The following RNF8 variants were observed in gnomAD, a reference collection of about 807,000 sequenced individuals.
RNF8 encodes ring finger protein 8.
In RNF8, 8 loss-of-function variants were observed where a neutral mutation model predicts 59.3. The ratio of observed to expected loss-of-function variants is 0.13; its 90% CI spans 0.08 to 0.24. The LOEUF (loss-of-function observed/expected upper bound fraction) is 0.24, where lower values mean the gene tolerates loss of function less well. Among genes scored for constraint, RNF8 ranks in the 10% least tolerant of loss-of-function variants. RNF8 has a pLI of 1.00. For missense variants in RNF8, 406 were observed against 572.6 expected (o/e 0.71, Z 2.97); for synonymous variants, 162 against 200.0 (o/e 0.81, Z 1.60).
intron 1 of RNF8, among the ~76,000 whole-genome samples, chr6:37,355,277 A>G (rs1283534133): frequency 2.0e-5 from 3 of 152,158 alleles, no homozygotes; most frequent in African/African-American, 4.8e-5. Context: ...TCTGTATGAA[A>G]AGTTCTCTTT....
At chr6:37,359,572 C>G (rs1161947212) in intron 1 of RNF8, among the ~76,000 whole-genome samples, 3 of 152,174 alleles carry the variant, frequency 2.0e-5, no homozygotes, top group Non-Finnish European at 4.4e-5. Context: ...AGGAATCAAT[C>G]TAAGGTCCTG....
intron 4 of RNF8, among the ~76,000 whole-genome samples, chr6:37,373,987 G>A (rs1769911812): frequency 6.6e-6 from 1 of 152,198 alleles, no homozygotes; most frequent in Non-Finnish European, 1.5e-5. Context: ...TTGACATTCA[G>A]CATAGGCATT....
chr6:37,381,720 CTTGAG>C (rs1291599088), intron 7 of RNF8, among the ~76,000 whole-genome samples: 4 of 152,072 alleles, frequency 2.6e-5, no homozygotes, highest in African/African-American at 9.7e-5. Flanking sequence ...TTGAAAAAAC[CTTGAG>C]TTAAGTATAC....
At chr6:37,356,489 T>C (rs1009071351) in intron 1 of RNF8, among the ~76,000 whole-genome samples, 4 of 152,196 alleles carry the variant, frequency 2.6e-5, no homozygotes, top group African/African-American at 9.7e-5. Flanking sequence ...TTTCATTTCA[T>C]TGATGGGAAC....
At chr6:37,387,625 C>T (rs912121856) in intron 7 of RNF8, among the ~76,000 whole-genome samples, 6 of 152,228 alleles carry the variant, frequency 3.9e-5, no homozygotes, top group African/African-American at 9.6e-5. Flanking sequence ...TATAGGCATG[C>T]GCCACCACGC....
Position 37,354,256 on chromosome 6 carries a change from T to A in RNF8, c.92T>A (p.Leu31Gln). ...RRVGMSAGWL[L>Q]LEDGCEVTVG... is the part of the protein sequence containing the mutation. ...GTGGGGATGAGCGCCGGGTGGCTGC[T>A]GCTGGAAGATGGGTGCGAGGTACGG... Residue 31 changes from leucine to glutamine, a missense_variant, in exon 1 of 8, where the codon CTG becomes CAG. Leu to Gln is a moderately radical substitution (Grantham distance 113). Around this residue, in one of 3 missense-constraint regions of RNF8, gnomAD observed 62 missense variants for 112.2 expected, o/e 0.55. Transcript: ENST00000373479. The A allele has an allele frequency of 1.9e-6, 3 of 1,567,052 alleles. No homozygotes were observed. Among genetic ancestry groups the A allele is most frequent in the Non-Finnish European group, 2.6e-6 (3 of 1,158,836 alleles).
chr6:37,359,745 A>T (rs1769245665), intron 1 of RNF8, among the ~76,000 whole-genome samples: 1 of 152,254 alleles, frequency 6.6e-6, no homozygotes. Context: ...AATGCAATTT[A>T]TATGCTCCAG....
chr6:37,365,864 G>A (rs527672719), intron 2 of RNF8, among the ~76,000 whole-genome samples: 4 of 152,300 alleles, frequency 2.6e-5, no homozygotes, highest in East Asian at 3.9e-4. Flanking sequence ...GTTCTGTACC[G>A]CCATGGGATT....
chr6:37,380,352 G>A (rs548131148), intron 6 of RNF8, among the ~76,000 whole-genome samples: 1 of 152,200 alleles, frequency 6.6e-6, no homozygotes, highest in Non-Finnish European at 1.5e-5. Context: ...TTTAAGAAAA[G>A]AATTGTCTAA....
At chr6:37,356,826 C>T (rs1477069940) in intron 1 of RNF8, among the ~76,000 whole-genome samples, 2 of 152,142 alleles carry the variant, frequency 1.3e-5, no homozygotes, top group Admixed American at 6.5e-5. Context: ...CACACCTTCA[C>T]CTCCCTGGTT....
chr6:37,392,814 A>C lies in RNF8; in HGVS notation c.*2056A>C, dbSNP rs1443874268. Reference sequence around the variant, plus strand: ...GAGAGAAGATATTTTAAAAAGAAATACCTTTTTAAAAATTATTTTATTATT... The same window carrying C: ...GAGAGAAGATATTTTAAAAAGAAATCCCTTTTTAAAAATTATTTTATTATT... On this transcript the variant is annotated 3_prime_UTR_variant, in exon 8 of 8. Coordinates refer to ENST00000373479, the MANE Select transcript of RNF8 (RefSeq NM_003958.4). 2.5e-6 allele frequency: 1 copy of C among 396,342 alleles called. No homozygotes were observed. The allele number at this position is 396,342 out of a possible 1,614,324, so 24.6% of individuals were successfully genotyped here.
At chr6:37,363,472 A>G (rs1769408926) in intron 2 of RNF8, among the ~76,000 whole-genome samples, 1 of 152,236 alleles carries the variant, frequency 6.6e-6, no homozygotes, top group African/African-American at 2.4e-5. Flanking sequence ...AAAATGAGCA[A>G]GAGACAAGCA....
At chr6:37,373,823 C>G (rs1400885258) in intron 4 of RNF8, among the ~76,000 whole-genome samples, 1 of 152,214 alleles carries the variant, frequency 6.6e-6, no homozygotes, top group African/African-American at 2.4e-5. Context: ...GGAGATCACA[C>G]ATTTTAAAAT....
intron 6 of RNF8, among the ~76,000 whole-genome samples, chr6:37,380,666 G>A (rs1398929001): frequency 3.4e-4 from 47 of 139,502 alleles, no homozygotes; most frequent in African/African-American, 1.2e-3. Flanking sequence ...GTGAGACTCC[G>A]TCTCAAAAAA....
chr6:37,386,778 A>T (rs1191087568), intron 7 of RNF8, among the ~76,000 whole-genome samples: 1 of 152,190 alleles, frequency 6.6e-6, no homozygotes. Context: ...AAGGGCCTGG[A>T]GATGGAACAT....
rs141727141 is a variant in RNF8 at position 37,385,812 on chromosome 6, A to G, written c.1441+4458A>G. Among the ~76,000 whole-genome samples, 327 of 148,444 alleles carry G rather than the reference A, an allele frequency of 2.2e-3. 1 individual carries two copies. Among genetic ancestry groups the G allele is most frequent in the Non-Finnish European group, 3.0e-3 (201 of 67,310 alleles). ...TTGTGTCCTAGTATCCTTCCTTATC[A>G]TCAAAATGTAGTTTTTCCTCTGTTT... On this transcript the variant is annotated intron_variant, in intron 7 of 7. Coordinates refer to ENST00000373479, the MANE Select transcript of RNF8 (RefSeq NM_003958.4).
At chr6:37,380,909 C>G (rs1351885457) in intron 6 of RNF8, among the ~76,000 whole-genome samples, 1 of 152,060 alleles carries the variant, frequency 6.6e-6, no homozygotes, top group Non-Finnish European at 1.5e-5. Context: ...TCTCAAACTC[C>G]TGACCTCAGG....
chr6:37,373,054 A>G (rs1281694585), intron 4 of RNF8, among the ~76,000 whole-genome samples: 1 of 152,224 alleles, frequency 6.6e-6, no homozygotes, highest in Non-Finnish European at 1.5e-5. Context: ...TTGTTCCACC[A>G]TGCTGATACT....
intron 1 of RNF8, among the ~76,000 whole-genome samples, chr6:37,358,747 G>T (rs991679447): frequency 1.3e-5 from 2 of 152,152 alleles, no homozygotes; most frequent in Non-Finnish European, 2.9e-5. Flanking sequence ...TTGGTTTAAA[G>T]TTCCCAGTTA....
Sources: gnomAD v4.1 joint callset for allele counts (sites outside exome capture counted in the v4.1 genomes callset) on GRCh38, gnomAD v4.1.1 for gene constraint, gnomAD v4.1.1 regional missense constraint, MANE v1.5 for transcripts, NCBI Gene and HGNC (gene_info 2026-07-23, HGNC 2026-07-21) for gene names.